The following TUBGCP6 variants were observed in gnomAD, a reference collection of about 807,000 sequenced individuals.
TUBGCP6 encodes gamma-tubulin complex component 6.
Under a neutral mutation model 175.8 loss-of-function variants are expected in TUBGCP6, and 161 were observed. The ratio of observed to expected loss-of-function variants is 0.92; its 90% confidence interval spans 0.81 to 1.04. The LOEUF (loss-of-function observed/expected upper bound fraction) is 1.04. TUBGCP6 is among the 50% of genes least tolerant of loss of function. The pLI, the probability that TUBGCP6 is intolerant of heterozygous loss-of-function variation, is 0.00. For missense variants in TUBGCP6, 2,572 were observed against 2,433.0 expected, an observed-to-expected ratio of 1.06 and a Z score of -1.20; for synonymous variants, 1,173 against 1,030.5, an observed-to-expected ratio of 1.14 and a Z score of -2.65.
rs1053448287 is a variant in TUBGCP6, at chr22:50,231,037, A to G, written c.1117-1460T>C. Among the ~76,000 whole-genome samples the G allele has an allele frequency of 3.7e-4, 53 of 142,840 alleles. 1 individual carries two copies. The highest frequency in any genetic ancestry group is 1.2e-4 in the Non-Finnish European group (8 of 66,242). 93.7% of individuals were successfully genotyped at this position (142,840 alleles called of 152,430 possible). On this transcript the variant is annotated intron_variant, in intron 3 of 24. Coordinates refer to ENST00000248846, the MANE Select transcript of TUBGCP6 (RefSeq NM_020461.4). ...GAAGAGGTTGCAGTGAGCTGAGATC[A>G]CGCCATTGCACTCCAGCCTGGGCAA...
Position 50,231,542 on chromosome 22 carries a change from G to C in TUBGCP6, c.1116+1774C>G, listed in dbSNP as rs144543245. On this transcript the variant is annotated intron_variant, in intron 3 of 24. Transcript: ENST00000248846. ...TTGAAAAGATCAACAAAATTGACAA[G>C]TCTTAGCTAGAATAATTAAGAAAAA... Among the ~76,000 whole-genome samples, 829 of 152,000 alleles carry C rather than the reference G, an allele frequency of 5.5e-3. 5 individuals carry two copies. The highest frequency in any genetic ancestry group is 0.019 in the African/African-American group (786 of 41,474).
At position 50,229,539 on chromosome 22, in the gene TUBGCP6, C is replaced by T. The variant is rs745411129; in HGVS notation, c.1155G>A (p.Val385=). Residue 385 remains valine, a synonymous_variant, in exon 4 of 25, where the codon GTG becomes GTA. Coordinates refer to ENST00000248846, the MANE Select transcript of TUBGCP6 (RefSeq NM_020461.4). The part of the protein sequence containing the change: ...QAFVVKRGVH[V]SGASPESISS... Reference sequence around the variant, plus strand: ...TGATGCTCTCGGGAGACGCTCCTGACACGTGGACGCCCCGCTTCACCACAA... The same window carrying T: ...TGATGCTCTCGGGAGACGCTCCTGATACGTGGACGCCCCGCTTCACCACAA... 22 of 1,602,718 alleles carry T rather than the reference C, an allele frequency of 1.4e-5. No homozygotes were observed. In the Middle Eastern group the frequency reaches 6.7e-4, roughly 49 times the overall value.
intron 10 of TUBGCP6, 127 bp from the exon 11 acceptor site, chr22:50,224,719 C>A: frequency 1.1e-6 from 1 of 870,412 alleles, no homozygotes; most frequent in Admixed American, 2.3e-5. Flanking sequence ...CCAGCCTGGA[C>A]AACATAGCAA....
Position 50,229,529 on chromosome 22 carries a change from A to G in TUBGCP6, c.1165T>C (p.Ser389Pro). Reference protein sequence around the residue: ...VKRGVHVSGASPESISSLLSE... With the variant: ...VKRGVHVSGAPPESISSLLSE... Reference sequence around the variant, plus strand: ...AGCAGGCTGCTGATGCTCTCGGGAGACGCTCCTGACACGTGGACGCCCCGC... The same window carrying G: ...AGCAGGCTGCTGATGCTCTCGGGAGGCGCTCCTGACACGTGGACGCCCCGC... The change falls in exon 4 of 25, where the codon TCT becomes CCT. Residue 389 changes from serine (S) to proline (P), a missense_variant. Transcript: ENST00000248846. 6.2e-7 allele frequency: 1 copy of G among 1,605,758 alleles called. No individual in the cohort carries two copies. The highest frequency in any genetic ancestry group is 8.5e-7 in the Non-Finnish European group (1 of 1,176,632).
chr22:50,233,810 G>A lies in TUBGCP6; in HGVS notation c.906-284C>T, dbSNP rs75443122. ...GGGCATGGCCGGGGGTATCCGACTG[G>A]CCCAGCCCTGGAAGAGCACCCCAGG... On this transcript the variant is annotated intron_variant, in intron 2 of 24. Transcript: ENST00000248846. Among the ~76,000 whole-genome samples, 4,073 of 152,158 alleles carry A rather than the reference G, an allele frequency of 0.027. 105 individuals are homozygous for A. The highest frequency in any genetic ancestry group is 0.13 in the East Asian group (682 of 5,178).
At position 50,239,164 on chromosome 22, in the gene TUBGCP6, G is replaced by A. The variant is rs934598781; in HGVS notation, c.905+1040C>T. On this transcript the variant is annotated intron_variant, in intron 2 of 24. Coordinates refer to ENST00000248846, the MANE Select transcript of TUBGCP6 (RefSeq NM_020461.4). The stretch of plus-strand genomic sequence containing the variant: ...TCCATGGCCAAACATTTGGGGAAGT[G>A]CGTGTTTTTTTGTTTGTTTGTTTTT... 8.5e-5 allele frequency among the ~76,000 whole-genome samples: 13 copies of A among 152,120 alleles called. No homozygotes were observed. The East Asian group carries it at 2.5e-3, about 29-fold the overall frequency.
chr22:50,226,234 T>C (rs1311151675), intron 8 of TUBGCP6, 45 bp from the exon 9 acceptor site: 2 of 1,614,000 alleles, frequency 1.2e-6, no homozygotes, highest in Non-Finnish European at 1.7e-6. Flanking sequence ...GCCATGGCCC[T>C]GAACCCAGGC....
At position 50,243,776 on chromosome 22, in the gene TUBGCP6, G is replaced by C; in HGVS notation, c.684C>G (p.Val228=). ...LVHSRTYDMD[V]RLGLPPVPDN... ...CTGGCACGGGGGGCAGGCCCAGTCG[G>C]ACGTCCATGTCATAAGTGCGGCTGT... Residue 228 remains valine (V), a synonymous_variant, in exon 1 of 25, where the codon GTC becomes GTG. Coordinates refer to ENST00000248846, the MANE Select transcript of TUBGCP6 (RefSeq NM_020461.4). 1 of 1,613,608 alleles carries C rather than the reference G, an allele frequency of 6.2e-7. No individual in the cohort carries two copies. The highest frequency in any genetic ancestry group is 8.5e-7 in the Non-Finnish European group (1 of 1,179,998).
In TUBGCP6 at chr22:50,229,485, A is replaced by G; in HGVS notation, c.1209T>C (p.Tyr403=). 6.2e-7 allele frequency: 1 copy of G among 1,612,534 alleles called. No individual in the cohort carries two copies. Among genetic ancestry groups the G allele is most frequent in the Non-Finnish European group, 8.5e-7 (1 of 1,179,576 alleles). The change falls in exon 4 of 25, where the codon TAT becomes TAC. Residue 403 remains tyrosine (Y), a synonymous_variant. Transcript: ENST00000248846. ...GACTCAGGCGCGTGTAGCAGGTCCC[A>G]TACTCGGCCACTTCCGAGAGCAGGC... ...ISSLLSEVAE[Y]GTCYTRLSHF... is the part of the protein sequence containing the mutation.
rs369084372 is a variant in TUBGCP6, at chr22:50,236,965, G to A, written c.905+3239C>T. ...AACTGAGGGAAAAAAAGCCCACAGCGGAAACACAAAGACACAGCGCAGGAT... is the reference window on the plus strand; with the variant it reads ...AACTGAGGGAAAAAAAGCCCACAGCAGAAACACAAAGACACAGCGCAGGAT... On this transcript the variant is annotated intron_variant, in intron 2 of 24. Transcript: ENST00000248846. Among the ~76,000 whole-genome samples the A allele has an allele frequency of 2.9e-4, 44 of 152,294 alleles. No homozygotes were observed. The South Asian group carries it at 6.4e-3, about 22-fold the overall frequency.
rs750766179 is a variant in TUBGCP6, at chr22:50,220,303, G to A, written c.4056C>T (p.Pro1352=). 4.4e-6 allele frequency: 7 copies of A among 1,577,216 alleles called. No individual in the cohort carries two copies. Among genetic ancestry groups the A allele is most frequent in the Admixed American group, 1.7e-5 (1 of 57,184 alleles). Residue 1352 remains proline, a synonymous_variant, in exon 16 of 25, where the codon CCC becomes CCT. Coordinates refer to ENST00000248846, the MANE Select transcript of TUBGCP6 (RefSeq NM_020461.4). ...GGGTGTTGGGCCACCATGGTTGGGTGGGAGCCACGTCTGACACGTTCTCCC... is the reference window on the plus strand; with the variant it reads ...GGGTGTTGGGCCACCATGGTTGGGTAGGAGCCACGTCTGACACGTTCTCCC... ...SVGENVSDVA[P]TQPWWPNTPG...
At chr22:50,241,510 C>T (rs2064838498) in intron 1 of TUBGCP6, among the ~76,000 whole-genome samples, 1 of 152,024 alleles carries the variant, frequency 6.6e-6, no homozygotes, top group South Asian at 2.1e-4. Context: ...GAGGCCTAAA[C>T]GTCTCCCTGT....
At chr22:50,236,463 G>A (rs553411342) in intron 2 of TUBGCP6, among the ~76,000 whole-genome samples, 8 of 152,316 alleles carry the variant, frequency 5.3e-5, no homozygotes, top group African/African-American at 1.9e-4. Flanking sequence ...GACAGTAACA[G>A]GTAAGGTGGG....
chr22:50,227,465 A>G (rs1041638473), intron 5 of TUBGCP6, among the ~76,000 whole-genome samples: 3 of 152,030 alleles, frequency 2.0e-5, no homozygotes, highest in Non-Finnish European at 4.4e-5. Context: ...CCTGCCCCAC[A>G]GTGTCTCAGC....
intron 2 of TUBGCP6, among the ~76,000 whole-genome samples, chr22:50,235,068 CCA>C (rs1445407450): frequency 1.3e-5 from 2 of 151,810 alleles, no homozygotes; most frequent in East Asian, 3.9e-4. Context: ...ACAGCAGTAT[CCA>C]CACCCCTGTC....
chr22:50,234,098 G>C (rs1476291151), intron 2 of TUBGCP6, among the ~76,000 whole-genome samples: 1 of 138,620 alleles, frequency 7.2e-6, no homozygotes, highest in African/African-American at 2.7e-5. Flanking sequence ...CCCCATCCAT[G>C]GCAGCATCCA....
rs768743183 is a variant in TUBGCP6, at chr22:50,221,200, G to A, written c.3159C>T (p.His1053=). ...IAPTRPRWNT[H]GHVSDASIRV... ...TGATGCTGGCGTCAGACACGTGCCC[G>A]TGGGTGTTCCACCGTGGCCGGGTGG... Residue 1053 remains histidine (H), a synonymous_variant, in exon 16 of 25, where the codon CAC becomes CAT. Transcript: ENST00000248846. The A allele has an allele frequency of 1.2e-4, 200 of 1,608,450 alleles. No homozygotes were observed. The Middle Eastern group carries it at 1.8e-3, about 15-fold the overall frequency.
chr22:50,219,585 G>C (rs1391528223), intron 18 of TUBGCP6, 59 bp downstream of exon 18: 48 of 1,598,818 alleles, frequency 3.0e-5, no homozygotes, highest in Non-Finnish European at 3.8e-5. Context: ...AGGAGGTGGA[G>C]CACGTGCTGG....
At position 50,218,737 on chromosome 22, in the gene TUBGCP6, G is replaced by A. The variant is rs548779798; in HGVS notation, c.4787C>T (p.Pro1596Leu). 9.9e-6 allele frequency: 16 copies of A among 1,613,992 alleles called. No individual in the cohort carries two copies. Among genetic ancestry groups the A allele is most frequent in the South Asian group, 2.2e-5 (2 of 91,078 alleles). The change falls in exon 21 of 25, where the codon CCG (proline) becomes CTG (leucine). Residue 1596 changes from proline (P) to leucine (L), a missense_variant. Pro to Leu is a moderately conservative substitution (Grantham distance 98). Coordinates refer to ENST00000248846, the MANE Select transcript of TUBGCP6 (RefSeq NM_020461.4). ...GAGCTCCAGGCAGCTCAGCACATCC[G>A]GGGCGTTGGGGGCAAACACCTCGGG... The part of the protein sequence containing the change: ...YLPEVFAPNA[P>L]DVLSCLELRY...
Sources: allele counts gnomAD v4.1 joint callset (sites outside exome capture counted in the v4.1 genomes callset), GRCh38; gene constraint gnomAD v4.1.1; transcripts MANE v1.5; gene names NCBI Gene and HGNC (gene_info 2026-07-23, HGNC 2026-07-21).